Variants in KCNMB2 observed in about 807,000 individuals in gnomAD.
The protein encoded by KCNMB2 is calcium-activated potassium channel subunit beta-2.
KCNMB2 carries 9 observed loss-of-function variants against 24.5 expected under a neutral mutation model. The observed-to-expected ratio is 0.37, with a 90% CI of 0.22 to 0.64. The LOEUF (loss-of-function observed/expected upper bound fraction) is 0.64. Among genes scored for constraint, KCNMB2 ranks in the 30% least tolerant of loss-of-function variants. KCNMB2 has a pLI of 0.63. For synonymous variants in KCNMB2, 109 were observed against 104.4 expected (o/e 1.04, Z -0.27); for missense variants, 226 against 284.3 (o/e 0.79, Z 1.47).
chr3:178,606,393 T>C (rs1718271159), intron 1 of KCNMB2, among the ~76,000 whole-genome samples: 1 of 152,006 alleles, frequency 6.6e-6, no homozygotes. Context: ...AGGATTATTC[T>C]GCAGCTGTAA....
intron 4 of KCNMB2, among the ~76,000 whole-genome samples, chr3:178,835,485 C>T (rs1715192120): frequency 6.6e-6 from 1 of 152,132 alleles, no homozygotes; most frequent in Admixed American, 6.6e-5. Flanking sequence ...TTCAAAAGTT[C>T]AAAATATATT....
chr3:178,651,529 G>A lies in KCNMB2; in HGVS notation c.-68+114818G>A, dbSNP rs188362223. 1.2e-3 allele frequency among the ~76,000 whole-genome samples: 190 copies of A among 152,080 alleles called. 1 individual carries two copies. Among genetic ancestry groups the A allele is most frequent in the African/African-American group, 4.1e-3 (170 of 41,490 alleles). On this transcript the variant is annotated intron_variant, in intron 1 of 4. Coordinates refer to ENST00000452583, the MANE Select transcript of KCNMB2 (RefSeq NM_181361.3). ...TTATAGATTCAATGCTATCCCCATCGAGCTACCATTGACTTTCTTCACAGA... is the reference window on the plus strand; with the variant it reads ...TTATAGATTCAATGCTATCCCCATCAAGCTACCATTGACTTTCTTCACAGA...
chr3:178,808,949 T>G (rs1286121562), intron 2 of KCNMB2, among the ~76,000 whole-genome samples: 1 of 152,184 alleles, frequency 6.6e-6, no homozygotes, highest in Non-Finnish European at 1.5e-5. Flanking sequence ...TGTCAGCATT[T>G]AAAAAACAAG....
chr3:178,621,109 C>T (rs1577054538), intron 1 of KCNMB2, among the ~76,000 whole-genome samples: 3 of 152,038 alleles, frequency 2.0e-5, no homozygotes, highest in African/African-American at 2.4e-5. Context: ...GAATAGAAGA[C>T]GCAAGAGAGT....
chr3:178,627,123 T>C (rs893341633), intron 1 of KCNMB2, among the ~76,000 whole-genome samples: 1 of 152,094 alleles, frequency 6.6e-6, no homozygotes, highest in Admixed American at 6.5e-5. Flanking sequence ...GGCTAGATTA[T>C]TTATAAACAT....
chr3:178,762,838 T>C (rs181899133), intron 1 of KCNMB2, among the ~76,000 whole-genome samples: 42 of 149,054 alleles, frequency 2.8e-4, no homozygotes, highest in African/African-American at 1.0e-3. Flanking sequence ...TGTATGATCA[T>C]TTACTGAGTT....
At chr3:178,568,221 C>T (rs1319942497) in intron 1 of KCNMB2, among the ~76,000 whole-genome samples, 1 of 152,054 alleles carries the variant, frequency 6.6e-6, no homozygotes, top group Non-Finnish European at 1.5e-5. Context: ...TATGTAATCA[C>T]AGACAGAAAG....
intron 1 of KCNMB2, among the ~76,000 whole-genome samples, chr3:178,640,227 T>C (rs1719674247): frequency 6.6e-6 from 1 of 152,136 alleles, no homozygotes; most frequent in South Asian, 2.1e-4. Flanking sequence ...CTACCTGACA[T>C]TGGGTAATTT....
At chr3:178,834,565 G>T (rs1560040640) in intron 4 of KCNMB2, among the ~76,000 whole-genome samples, 1 of 152,076 alleles carries the variant, frequency 6.6e-6, no homozygotes, top group South Asian at 2.1e-4. Context: ...TGATCCATAG[G>T]TAAGATTAGG....
chr3:178,594,288 A>C (rs1717786278), intron 1 of KCNMB2, among the ~76,000 whole-genome samples: 1 of 152,102 alleles, frequency 6.6e-6, no homozygotes, highest in Non-Finnish European at 1.5e-5. Flanking sequence ...CATGGTGAGA[A>C]TGTCTGTGAG....
chr3:178,618,700 A>T (rs7616098), intron 1 of KCNMB2, among the ~76,000 whole-genome samples: 2 of 152,180 alleles, frequency 1.3e-5, no homozygotes, highest in African/African-American at 2.4e-5. Flanking sequence ...CCATTTTTCC[A>T]TCTTTCTACT....
At chr3:178,803,381 A>G (rs1713846700) in intron 1 of KCNMB2, among the ~76,000 whole-genome samples, 1 of 152,258 alleles carries the variant, frequency 6.6e-6, no homozygotes, top group Admixed American at 6.5e-5. Context: ...AGAAGGAAAG[A>G]GAAGAAGTAG....
chr3:178,791,862 A>C (rs1035064540), intron 1 of KCNMB2, among the ~76,000 whole-genome samples: 12 of 152,034 alleles, frequency 7.9e-5, no homozygotes, highest in Non-Finnish European at 1.3e-4. Flanking sequence ...AAAAAAAAAA[A>C]AAAAACTTTC....
chr3:178,539,571 T>C (rs1347005255), intron 1 of KCNMB2, among the ~76,000 whole-genome samples: 1 of 152,174 alleles, frequency 6.6e-6, no homozygotes, highest in Non-Finnish European at 1.5e-5. Context: ...GTCATTTGCT[T>C]GTCTAAGCAC....
intron 1 of KCNMB2, among the ~76,000 whole-genome samples, chr3:178,562,384 C>G (rs1269796501): frequency 6.6e-6 from 1 of 152,104 alleles, no homozygotes; most frequent in East Asian, 1.9e-4. Context: ...GATTGAGAAG[C>G]CCCAGAGACA....
intron 1 of KCNMB2, among the ~76,000 whole-genome samples, chr3:178,575,520 A>G (rs1025157574): frequency 2.6e-5 from 4 of 152,258 alleles, no homozygotes; most frequent in African/African-American, 9.6e-5. Context: ...GTCAGAACTG[A>G]CGGTAATTTT....
intron 1 of KCNMB2, among the ~76,000 whole-genome samples, chr3:178,779,445 A>G (rs766062884): frequency 3.9e-5 from 6 of 152,202 alleles, no homozygotes; most frequent in Non-Finnish European, 7.3e-5. Context: ...CAACAAGAAC[A>G]AGGGAGAACA....
chr3:178,554,755 A>G (rs1209294918), intron 1 of KCNMB2, among the ~76,000 whole-genome samples: 2 of 152,234 alleles, frequency 1.3e-5, no homozygotes, highest in African/African-American at 4.8e-5. Flanking sequence ...GGGTTGATAA[A>G]CAGACTGGAA....
chr3:178,759,996 ATATATATATATATCCAAGAGGATATATC>A (rs1711709215), intron 1 of KCNMB2, among the ~76,000 whole-genome samples: 2 of 41,286 alleles, frequency 4.8e-5, no homozygotes, highest in Non-Finnish European at 7.4e-5. Context: ...GAGGATATAT[ATATATATATATATCCAAGAGGATATATC>A]TATATATATA....
Sources: gnomAD v4.1 joint callset for allele counts (sites outside exome capture counted in the v4.1 genomes callset) on GRCh38, gnomAD v4.1.1 for gene constraint, MANE v1.5 for transcripts, NCBI Gene and HGNC (gene_info 2026-07-23, HGNC 2026-07-21) for gene names.